BMPR1B: variants seen among roughly 807,000 people sequenced by gnomAD.
The protein encoded by BMPR1B is bone morphogenetic protein receptor type 1B.
In BMPR1B, 12 loss-of-function variants were observed where a neutral mutation model predicts 59.1. The observed-to-expected ratio is 0.20, with a 90% confidence interval of 0.13 to 0.33. The LOEUF is 0.33. BMPR1B is among the 10% of genes least tolerant of loss of function. The pLI is 1.00. For missense variants in BMPR1B, 550 were observed against 610.9 expected (o/e 0.90, Z 1.05); for synonymous variants, 237 against 207.3 (o/e 1.14, Z -1.23).
At chr4:95,107,009 T>C (rs1731241321) in intron 4 of BMPR1B, among the ~76,000 whole-genome samples, 1 of 151,942 alleles carries the variant, frequency 6.6e-6, no homozygotes, top group African/African-American at 2.4e-5. Context: ...TTTTAAGGCT[T>C]CTGCTCATAT....
At chr4:95,061,615 T>G (rs773827915) in intron 3 of BMPR1B, among the ~76,000 whole-genome samples, 10 of 152,178 alleles carry the variant, frequency 6.6e-5, no homozygotes, top group Non-Finnish European at 1.3e-4. Context: ...GCGAAGAAAA[T>G]GAAGCAGAAA....
intron 1 of BMPR1B, among the ~76,000 whole-genome samples, chr4:94,821,462 A>T (rs1000825465): frequency 1.3e-5 from 2 of 152,128 alleles, no homozygotes; most frequent in Non-Finnish European, 2.9e-5. Context: ...ATTTTTTAAA[A>T]TTTTAATTTT....
intron 3 of BMPR1B, among the ~76,000 whole-genome samples, chr4:95,042,778 C>T (rs1377411137): frequency 6.6e-6 from 1 of 152,194 alleles, no homozygotes; most frequent in Non-Finnish European, 1.5e-5. Context: ...GAGTTTCTTG[C>T]TTTCCATCTC....
intron 2 of BMPR1B, among the ~76,000 whole-genome samples, chr4:94,917,611 C>T (rs1202103154): frequency 1.3e-5 from 2 of 152,154 alleles, no homozygotes; most frequent in Non-Finnish European, 1.5e-5. Flanking sequence ...GCCTGTATCC[C>T]CATATTATCT....
intron 2 of BMPR1B, among the ~76,000 whole-genome samples, chr4:94,913,960 G>T (rs1340182678): frequency 6.6e-6 from 1 of 152,058 alleles, no homozygotes; most frequent in Non-Finnish European, 1.5e-5. Context: ...TATTGGATAG[G>T]GTAGGTCCTA....
chr4:94,946,519 G>A (rs1013019759), intron 2 of BMPR1B, among the ~76,000 whole-genome samples: 2 of 152,128 alleles, frequency 1.3e-5, no homozygotes, highest in African/African-American at 4.8e-5. Context: ...GGAAGGCACA[G>A]GATCAGATTT....
chr4:94,872,575 TTTTTC>T (rs149302072), intron 1 of BMPR1B, among the ~76,000 whole-genome samples: 2,992 of 152,306 alleles, frequency 0.02, 34 homozygotes, highest in Middle Eastern at 0.034. Context: ...ATATTTAAGA[TTTTTC>T]TTTTATTATC....
intron 3 of BMPR1B, among the ~76,000 whole-genome samples, chr4:95,076,745 G>A (rs1252533272): frequency 1.3e-5 from 2 of 152,018 alleles, no homozygotes; most frequent in African/African-American, 2.4e-5. Flanking sequence ...AACTAAGGTA[G>A]AGTAAAATAT....
At chr4:94,934,905 CT>C (rs1361515636) in intron 2 of BMPR1B, among the ~76,000 whole-genome samples, 1 of 151,958 alleles carries the variant, frequency 6.6e-6, no homozygotes, top group Non-Finnish European at 1.5e-5. Flanking sequence ...TATGAATATG[CT>C]GCTCACCTCC....
At chr4:94,826,316 A>G (rs1724379894) in intron 1 of BMPR1B, among the ~76,000 whole-genome samples, 1 of 152,178 alleles carries the variant, frequency 6.6e-6, no homozygotes, top group Admixed American at 6.5e-5. Context: ...TGCAGATGTT[A>G]TTTCTCTGTC....
At chr4:95,152,482 A>G (rs529574777) in intron 11 of BMPR1B, among the ~76,000 whole-genome samples, 161 bp from the exon 12 acceptor site, 224 of 152,312 alleles carry the variant, frequency 1.5e-3, no homozygotes, top group African/African-American at 5.2e-3. Context: ...TAGATTAAGT[A>G]CCATTTGGGT....
At chr4:95,067,866 A>C (rs1458870518) in intron 3 of BMPR1B, among the ~76,000 whole-genome samples, 1 of 152,206 alleles carries the variant, frequency 6.6e-6, no homozygotes, top group Non-Finnish European at 1.5e-5. Flanking sequence ...AAATACAAAG[A>C]ATACTTTGGG....
intron 3 of BMPR1B, among the ~76,000 whole-genome samples, chr4:95,103,106 T>C (rs1730943946): frequency 1.3e-5 from 2 of 152,136 alleles, no homozygotes; most frequent in South Asian, 4.1e-4. Flanking sequence ...TGAAATATTA[T>C]AGTTAATAGA....
At position 95,152,783 on chromosome 4, in the gene BMPR1B, G is replaced by A; in HGVS notation, c.1383+10G>A. The A allele has an allele frequency of 6.2e-7, 1 of 1,611,912 alleles. No homozygotes were observed. The highest frequency in any genetic ancestry group is 2.2e-5 in the East Asian group (1 of 44,818). On this transcript the variant is annotated intron_variant, in intron 12 of 12. Coordinates refer to ENST00000515059, the MANE Select transcript of BMPR1B (RefSeq NM_001203.3). ...GTGGAGCAGTGATGAGGTAAGGCTT[G>A]AGGTAACCATGTGGCTGTGACAGAC...
intron 1 of BMPR1B, among the ~76,000 whole-genome samples, chr4:94,829,123 C>G (rs1177974854): frequency 6.6e-6 from 1 of 152,040 alleles, no homozygotes; most frequent in Non-Finnish European, 1.5e-5. Context: ...TATCTGACCT[C>G]ACATACCACA....
chr4:94,989,205 A>G (rs974275959), intron 2 of BMPR1B, among the ~76,000 whole-genome samples: 2 of 151,940 alleles, frequency 1.3e-5, no homozygotes, highest in East Asian at 3.9e-4. Context: ...CCTGGCCAAC[A>G]TTGTGAAACC....
chr4:94,775,438 A>G (rs376113170), intron 1 of BMPR1B, among the ~76,000 whole-genome samples: 2 of 152,242 alleles, frequency 1.3e-5, no homozygotes, highest in Non-Finnish European at 2.9e-5. Flanking sequence ...CCTAATTTCA[A>G]AAACGAAGCT....
At chr4:94,823,222 G>C (rs1724266468) in intron 1 of BMPR1B, among the ~76,000 whole-genome samples, 1 of 152,148 alleles carries the variant, frequency 6.6e-6, no homozygotes, top group Non-Finnish European at 1.5e-5. Flanking sequence ...AGTGACAGAA[G>C]GTGTAAAAGA....
Position 95,013,873 on chromosome 4 carries a change from G to T in BMPR1B, c.-18+17739G>T, listed in dbSNP as rs190288365. Reference sequence around the variant, plus strand: ...GGAAACTACTGTCTTTTACTTTCAGGTTTTCCTGTAGCATCTAACATCACA... The same window carrying T: ...GGAAACTACTGTCTTTTACTTTCAGTTTTTCCTGTAGCATCTAACATCACA... On this transcript the variant is annotated intron_variant, in intron 3 of 12. Coordinates refer to ENST00000515059, the MANE Select transcript of BMPR1B (RefSeq NM_001203.3). Among the ~76,000 whole-genome samples, 520 of 152,130 alleles carry T rather than the reference G, an allele frequency of 3.4e-3. 3 individuals carry two copies. Among genetic ancestry groups the T allele is most frequent in the African/African-American group, 0.012 (494 of 41,504 alleles).
Sources: allele counts gnomAD v4.1 joint callset (sites outside exome capture counted in the v4.1 genomes callset), GRCh38; gene constraint gnomAD v4.1.1; transcripts MANE v1.5; gene names NCBI Gene and HGNC (gene_info 2026-07-23, HGNC 2026-07-21).